ZSWIM4: variants seen among roughly 807,000 people sequenced by gnomAD.
ZSWIM4 encodes the protein zinc finger SWIM domain-containing protein 4.
In ZSWIM4, 62 loss-of-function variants were observed where a neutral mutation model predicts 102.5. The observed-to-expected ratio is 0.60, with a 90% confidence interval of 0.49 to 0.75. ZSWIM4 has a LOEUF of 0.75. ZSWIM4 is among the 30% of genes least tolerant of loss of function. The pLI is 0.00. For missense variants in ZSWIM4, 1,280 were observed against 1,529.6 expected, an observed-to-expected ratio of 0.84 and a Z score of 2.72; for synonymous variants, 652 against 674.5, an observed-to-expected ratio of 0.97 and a Z score of 0.52.
Position 13,806,455 on chromosome 19 carries a change from C to T in ZSWIM4, c.712+1307C>T, listed in dbSNP as rs529642787. On this transcript the variant is annotated intron_variant, in intron 3 of 13. Coordinates refer to ENST00000590508, the MANE Select transcript of ZSWIM4 (RefSeq NM_001367834.3). ...GCTGAGGAAGGAGGATCACTCGAGA[C>T]CAGCAGTTCAAGACCGGCCTGGGCA... Among the ~76,000 whole-genome samples, 768 of 152,018 alleles carry T rather than the reference C, an allele frequency of 5.1e-3. 1 individual carries two copies. The highest frequency in any genetic ancestry group is 7.9e-3 in the Non-Finnish European group (539 of 67,958).
At chr19:13,822,633 A>G (rs1206292063) in intron 10 of ZSWIM4, among the ~76,000 whole-genome samples, 1 of 152,178 alleles carries the variant, frequency 6.6e-6, no homozygotes. Flanking sequence ...ACTTGAGGAC[A>G]GGAGTTCAAG....
chr19:13,825,387 G>A lies in ZSWIM4; in HGVS notation c.2216-163G>A, dbSNP rs543968961. On this transcript the variant is annotated intron_variant, in intron 11 of 13. Transcript: ENST00000590508. The surrounding 1 kb of genome is among the most constrained non-coding windows in gnomAD (Gnocchi z 4.6). Reference sequence around the variant, plus strand: ...AGGAGATAATTGGCAAGGGCTAGGGGCACTGAGGTCTGAATCTTCACAGAA... The same window carrying A: ...AGGAGATAATTGGCAAGGGCTAGGGACACTGAGGTCTGAATCTTCACAGAA... 1.1e-3 allele frequency among the ~76,000 whole-genome samples: 165 copies of A among 152,264 alleles called. No homozygotes were observed. Among genetic ancestry groups the A allele is most frequent in the Non-Finnish European group, 2.2e-3 (149 of 68,030 alleles).
intron 2 of ZSWIM4, among the ~76,000 whole-genome samples, chr19:13,803,397 C>G (rs1219777870): frequency 6.6e-6 from 1 of 152,188 alleles, no homozygotes; most frequent in Non-Finnish European, 1.5e-5. Flanking sequence ...AATTGAGGGG[C>G]TCCTGAAGCC....
intron 10 of ZSWIM4, among the ~76,000 whole-genome samples, chr19:13,820,433 A>G (rs919595045): frequency 1.9e-4 from 29 of 152,196 alleles, no homozygotes; most frequent in Non-Finnish European, 4.1e-4. Flanking sequence ...ACGGGGTTTC[A>G]CCATGTTGCT....
chr19:13,800,019 G>A, intron 2 of ZSWIM4, 98 bp downstream of exon 2: 1 of 1,226,790 alleles, frequency 8.2e-7, no homozygotes, highest in Non-Finnish European at 1.1e-6. Flanking sequence ...CAGGGGATGG[G>A]AGGTTACAGA....
At chr19:13,797,188 C>G (rs1173837377) in intron 1 of ZSWIM4, among the ~76,000 whole-genome samples, 1 of 152,216 alleles carries the variant, frequency 6.6e-6, no homozygotes, top group East Asian at 1.9e-4. Context: ...GGCAGTTGTT[C>G]TTGTTCCCAC....
intron 3 of ZSWIM4, 53 bp from the exon 4 acceptor site, chr19:13,808,783 C>CCCAACCCCAACT: frequency 6.7e-7 from 1 of 1,495,662 alleles, no homozygotes; most frequent in Non-Finnish European, 9.0e-7. Context: ...CTCAACCCAA[C>CCCAACCCCAACT]CCAACCCCAA....
rs1438016824 is a variant in ZSWIM4, at chr19:13,817,913, G to A, written c.1861G>A (p.Glu621Lys). Reference protein sequence around the residue: ...NEEQLLALLEEVELDERLVQV... With the variant: ...NEEQLLALLEKVELDERLVQV... ...GGAGCAGCTGCTGGCCCTGCTGGAGGAGGTGGAGTTGGATGAGCGGTTGGT... is the reference window on the plus strand; with the variant it reads ...GGAGCAGCTGCTGGCCCTGCTGGAGAAGGTGGAGTTGGATGAGCGGTTGGT... The change falls in exon 9 of 14, where the codon GAG (glutamate) becomes AAG (lysine). Residue 621 changes from glutamate to lysine, a missense_variant. By Grantham distance (56) the Glu-to-Lys change is moderately conservative (BLOSUM62 1). Transcript: ENST00000590508. 2.6e-6 allele frequency: 4 copies of A among 1,547,748 alleles called. No individual in the cohort carries two copies. The highest frequency in any genetic ancestry group is 2.4e-5 in the East Asian group (1 of 40,916).
intron 1 of ZSWIM4, among the ~76,000 whole-genome samples, chr19:13,797,643 T>C (rs1470885809): frequency 8.7e-6 from 1 of 114,496 alleles, no homozygotes; most frequent in Non-Finnish European, 1.6e-5. Context: ...AAAGAAAATC[T>C]TTGTATTTAT....
chr19:13,819,426 A>G lies in ZSWIM4; in HGVS notation c.1994A>G (p.Tyr665Cys), dbSNP rs1245318378. The G allele has an allele frequency of 6.2e-7, 1 of 1,611,132 alleles. No individual in the cohort carries two copies. The highest frequency in any genetic ancestry group is 8.5e-7 in the Non-Finnish European group (1 of 1,178,902). ...ESVPMHTCAR[Y>C]LFTALLPHDP... ...GTGCCCATGCACACCTGTGCCCGCTACCTGTTCACCGCACTGCTGCCTCAT... is the reference window on the plus strand; with the variant it reads ...GTGCCCATGCACACCTGTGCCCGCTGCCTGTTCACCGCACTGCTGCCTCAT... The change falls in exon 10 of 14, where the codon TAC (tyrosine) becomes TGC (cysteine). Residue 665 changes from tyrosine to cysteine, a missense_variant. Transcript: ENST00000590508.
intron 2 of ZSWIM4, among the ~76,000 whole-genome samples, chr19:13,801,414 G>A (rs1455999099): frequency 6.6e-6 from 1 of 152,208 alleles, no homozygotes; most frequent in Admixed American, 6.5e-5. Flanking sequence ...GCAGTGAGAG[G>A]AGGCTCCAGA....
At chr19:13,817,058 A>G (rs2145335940) in intron 7 of ZSWIM4, among the ~76,000 whole-genome samples, 158 bp from the exon 8 acceptor site, 1 of 151,746 alleles carries the variant, frequency 6.6e-6, no homozygotes, top group Non-Finnish European at 1.5e-5. Context: ...AATAAGCGAG[A>G]CCCCACCTCA....
intron 7 of ZSWIM4, chr19:13,815,456 A>ATTTTTTTTTTTTT (rs758486796): frequency 3.4e-5 from 2 of 58,160 alleles, no homozygotes; most frequent in Non-Finnish European, 6.4e-5. Context: ...GTGCCTGGAA[A>ATTTTTTTTTTTTT]TTTTTTTTTT....
intron 11 of ZSWIM4, among the ~76,000 whole-genome samples, chr19:13,824,734 A>AAATAATAAT (rs59668197): frequency 1.7e-3 from 248 of 146,802 alleles, no homozygotes; most frequent in Middle Eastern, 3.6e-3. Flanking sequence ...CTCCATCTCA[A>AAATAATAAT]AATAATAATA....
rs1392437077 is a variant in ZSWIM4, at chr19:13,830,929, G to A, written c.3200G>A (p.Arg1067Gln). The part of the protein sequence containing the change: ...GDFIEFLGKA[R>Q]ETFLLAPDGH... Reference sequence around the variant, plus strand: ...TTCATCGAATTCCTGGGCAAGGCCCGGGAGACCTTCCTGCTGGCGCCCGAC... The same window carrying A: ...TTCATCGAATTCCTGGGCAAGGCCCAGGAGACCTTCCTGCTGGCGCCCGAC... The change falls in exon 14 of 14, where the codon CGG becomes CAG. Residue 1067 changes from arginine to glutamine, a missense_variant. Arg to Gln is a conservative substitution (Grantham distance 43). Transcript: ENST00000590508. 2.5e-6 allele frequency: 4 copies of A among 1,614,238 alleles called. No homozygotes were observed. Among genetic ancestry groups the A allele is most frequent in the Admixed American group, 1.7e-5 (1 of 60,032 alleles).
At chr19:13,829,800 G>A (rs1759294099) in intron 13 of ZSWIM4, among the ~76,000 whole-genome samples, 2 of 152,024 alleles carry the variant, frequency 1.3e-5, no homozygotes, top group Admixed American at 6.6e-5. Flanking sequence ...CCTCCAGCCT[G>A]GGCAACAGAG....
At position 13,809,135 on chromosome 19, in the gene ZSWIM4, G is replaced by A; in HGVS notation, c.927G>A (p.Gln309=). 6.2e-7 allele frequency: 1 copy of A among 1,613,852 alleles called. No individual in the cohort carries two copies. The highest frequency in any genetic ancestry group is 8.5e-7 in the Non-Finnish European group (1 of 1,179,838). The change falls in exon 5 of 14, where the codon CAG becomes CAA. Residue 309 remains glutamine, a synonymous_variant. Coordinates refer to ENST00000590508, the MANE Select transcript of ZSWIM4 (RefSeq NM_001367834.3). The surrounding 1 kb of genome is among the most constrained non-coding windows in gnomAD (Gnocchi z 4.2). ...GARMLILMTE[Q]FLQDTRLALW... ...GCATGCTGATTCTCATGACCGAGCA[G>A]TTCCTGCAGGACACGCGCCTGGCCC...
Position 13,817,891 on chromosome 19 carries a change from G to A in ZSWIM4, c.1839G>A (p.Glu613=). The A allele has an allele frequency of 6.5e-7, 1 of 1,550,178 alleles. No individual in the cohort carries two copies. Among genetic ancestry groups the A allele is most frequent in the Non-Finnish European group, 8.7e-7 (1 of 1,146,424 alleles). Residue 613 remains glutamate, a synonymous_variant, in exon 9 of 14, where the codon GAG becomes GAA. Coordinates refer to ENST00000590508, the MANE Select transcript of ZSWIM4 (RefSeq NM_001367834.3). ...YAQDKVVRNE[E]QLLALLEEVE... ...AGGACAAGGTGGTGCGCAACGAGGA[G>A]CAGCTGCTGGCCCTGCTGGAGGAGG...
chr19:13,832,227 C>T lies in ZSWIM4; in HGVS notation c.*1177C>T, dbSNP rs1975788131. On this transcript the variant is annotated 3_prime_UTR_variant, in exon 14 of 14. Transcript: ENST00000590508. ...ACTCACACCCTCAACCTCGTTTCCTCCGCAAAAAAAAAAAAAAAAAAAAAA... is the reference window on the plus strand; with the variant it reads ...ACTCACACCCTCAACCTCGTTTCCTTCGCAAAAAAAAAAAAAAAAAAAAAA... 1 of 113,430 alleles carries T rather than the reference C, an allele frequency of 8.8e-6. No homozygotes were observed. The highest frequency in any genetic ancestry group is 4.7e-5 in the African/African-American group (1 of 21,236). 7.0% of individuals were successfully genotyped at this position (113,430 alleles called of 1,614,324 possible).
Sources: gnomAD v4.1 joint callset for allele counts (sites outside exome capture counted in the v4.1 genomes callset) on GRCh38, gnomAD v4.1.1 for gene constraint, Gnocchi (gnomAD v3.1) non-coding constraint, MANE v1.5 for transcripts, NCBI Gene and HGNC (gene_info 2026-07-23, HGNC 2026-07-21) for gene names.